Variants in TRAPPC9 observed in about 807,000 individuals in gnomAD.
TRAPPC9 encodes the protein IKK2 binding protein.
In TRAPPC9, 83 loss-of-function variants were observed where a neutral mutation model predicts 124.0. The ratio of observed to expected loss-of-function variants is 0.67; its 90% confidence interval spans 0.56 to 0.80. The LOEUF is 0.80. Among genes scored for constraint, TRAPPC9 ranks in the 30% least tolerant of loss-of-function variants. The pLI, the probability that TRAPPC9 is intolerant of heterozygous loss-of-function variation, is 0.00. For missense variants in TRAPPC9, 1,302 were observed against 1,508.3 expected (o/e 0.86, Z 2.27); for synonymous variants, 638 against 617.5 (o/e 1.03, Z -0.49).
intron 17 of TRAPPC9, among the ~76,000 whole-genome samples, chr8:140,053,241 A>C (rs1257307157): frequency 6.6e-6 from 1 of 152,168 alleles, no homozygotes; most frequent in Non-Finnish European, 1.5e-5. Flanking sequence ...ACAGAGGAAA[A>C]CTTTTTAGTG....
chr8:140,381,356 G>A (rs1168131624), intron 7 of TRAPPC9, among the ~76,000 whole-genome samples: 2 of 152,028 alleles, frequency 1.3e-5, no homozygotes, highest in East Asian at 3.9e-4. Flanking sequence ...CAAAAAGAAA[G>A]TAAACCCCAA....
In TRAPPC9 at chr8:140,130,496, G is replaced by A. The variant is rs565670993; in HGVS notation, c.2556+90963C>T. Among the ~76,000 whole-genome samples the A allele has an allele frequency of 4.0e-4, 61 of 152,250 alleles. 1 individual carries two copies. The highest frequency in any genetic ancestry group is 1.1e-3 in the Admixed American group (17 of 15,300). On this transcript the variant is annotated intron_variant, in intron 17 of 22. Coordinates refer to ENST00000438773, the MANE Select transcript of TRAPPC9 (RefSeq NM_001160372.4). ...AAAGCCAACTTGAGGGGCATCCTCC[G>A]AAATAACTGAATTATAATCTTGAAA...
chr8:140,275,605 T>C, intron 15 of TRAPPC9, 53 bp downstream of exon 15: 1 of 1,570,920 alleles, frequency 6.4e-7, no homozygotes, highest in Non-Finnish European at 8.8e-7. Context: ...GTATCTCTTC[T>C]ACAAGTAAAC....
chr8:140,156,714 TAAGTTAC>T (rs1008099408), intron 17 of TRAPPC9, among the ~76,000 whole-genome samples: 10 of 152,334 alleles, frequency 6.6e-5, no homozygotes, highest in African/African-American at 2.4e-4. Context: ...CGTCTGTTTC[TAAGTTAC>T]AACCATGAAG....
intron 19 of TRAPPC9, among the ~76,000 whole-genome samples, chr8:139,966,619 G>C (rs911331106): frequency 2.6e-5 from 4 of 152,196 alleles, no homozygotes; most frequent in African/African-American, 9.7e-5. Flanking sequence ...CACACTCTGC[G>C]TCTCAATAAA....
At chr8:140,179,334 CG>C (rs1195758693) in intron 17 of TRAPPC9, among the ~76,000 whole-genome samples, 3 of 152,084 alleles carry the variant, frequency 2.0e-5, no homozygotes, top group Non-Finnish European at 2.9e-5. Flanking sequence ...TTGGAGCCCA[CG>C]GGTTATTTAG....
chr8:139,735,671 GT>G (rs1174857088), intron 21 of TRAPPC9, among the ~76,000 whole-genome samples: 13 of 146,858 alleles, frequency 8.9e-5, no homozygotes, highest in Non-Finnish European at 1.1e-4. Context: ...TTTTTTTTTT[GT>G]TTTGTTTTGT....
intron 17 of TRAPPC9, among the ~76,000 whole-genome samples, chr8:140,129,531 C>T (rs1177797087): frequency 1.3e-5 from 2 of 152,018 alleles, no homozygotes; most frequent in Admixed American, 6.5e-5. Context: ...TGAGCCGGCA[C>T]GGGGGATGGA....
At chr8:139,932,167 C>T in intron 19 of TRAPPC9, 1 of 388,026 alleles carries the variant, frequency 2.6e-6, no homozygotes, top group Non-Finnish European at 5.2e-6. Flanking sequence ...GAAGCATTGA[C>T]CTTACAGGGA....
chr8:140,370,475 G>A (rs571912128), intron 8 of TRAPPC9, among the ~76,000 whole-genome samples: 78 of 152,112 alleles, frequency 5.1e-4, no homozygotes, highest in Non-Finnish European at 3.8e-4. Context: ...ATCAGACTTT[G>A]TCTAATACTG....
At chr8:140,021,265 A>T (rs1839821913) in intron 18 of TRAPPC9, among the ~76,000 whole-genome samples, 1 of 152,132 alleles carries the variant, frequency 6.6e-6, no homozygotes, top group South Asian at 2.1e-4. Flanking sequence ...CTTATCATCC[A>T]TTCCTTAAGT....
chr8:140,403,301 G>A (rs1296998203), intron 6 of TRAPPC9, among the ~76,000 whole-genome samples: 5 of 151,944 alleles, frequency 3.3e-5, no homozygotes, highest in South Asian at 4.1e-4. Flanking sequence ...ATGGTGGCTC[G>A]CACCTGTAGT....
At chr8:140,045,991 G>A (rs1223458842) in intron 17 of TRAPPC9, among the ~76,000 whole-genome samples, 2 of 152,092 alleles carry the variant, frequency 1.3e-5, no homozygotes, top group African/African-American at 4.8e-5. Context: ...ATTTTAACCA[G>A]AAGAAAAAGG....
At chr8:139,947,926 A>AGAGAGAGAGAGC (rs1834366213) in intron 19 of TRAPPC9, among the ~76,000 whole-genome samples, 1 of 133,544 alleles carries the variant, frequency 7.5e-6, no homozygotes. Context: ...AGAGAGAGCG[A>AGAGAGAGAGAGC]GAGAGAGAGA....
chr8:140,438,902 G>A, intron 3 of TRAPPC9, 150 bp downstream of exon 3: 1 of 912,474 alleles, frequency 1.1e-6, no homozygotes. Flanking sequence ...ATGTTGGCCA[G>A]GATGGTCTCA....
chr8:139,953,375 C>T (rs912819311), intron 19 of TRAPPC9, among the ~76,000 whole-genome samples: 2 of 152,174 alleles, frequency 1.3e-5, no homozygotes, highest in African/African-American at 4.8e-5. Flanking sequence ...CACCTATAAT[C>T]TCAGCTACTC....
At chr8:140,352,447 G>T (rs2067615325) in intron 9 of TRAPPC9, among the ~76,000 whole-genome samples, 1 of 152,200 alleles carries the variant, frequency 6.6e-6, no homozygotes, top group Non-Finnish European at 1.5e-5. Flanking sequence ...TGGATACCAT[G>T]AGACCTGGGA....
chr8:140,402,513 G>A (rs957208662), intron 6 of TRAPPC9, among the ~76,000 whole-genome samples: 2 of 151,980 alleles, frequency 1.3e-5, no homozygotes, highest in African/African-American at 2.4e-5. Context: ...GGGCAACATG[G>A]TAAAACCCCA....
intron 21 of TRAPPC9, among the ~76,000 whole-genome samples, chr8:139,743,424 A>G (rs1818688643): frequency 6.6e-6 from 1 of 152,230 alleles, no homozygotes; most frequent in South Asian, 2.1e-4. Flanking sequence ...GTGGAAATAC[A>G]TGACTTGAAG....
Sources: gnomAD v4.1 joint callset for allele counts (sites outside exome capture counted in the v4.1 genomes callset) on GRCh38, gnomAD v4.1.1 for gene constraint, MANE v1.5 for transcripts, NCBI Gene and HGNC (gene_info 2026-07-23, HGNC 2026-07-21) for gene names.